Variants in XYLT1 observed in about 807,000 individuals in gnomAD.
XYLT1 encodes xylosyltransferase 1.
In XYLT1, 36 loss-of-function variants were observed where a neutral mutation model predicts 91.3. The observed-to-expected ratio is 0.39, with a 90% CI of 0.30 to 0.52. XYLT1 has a LOEUF of 0.52. Ranked by LOEUF, XYLT1 falls within the 20% of genes least tolerant of loss-of-function variation. The probability of loss-of-function intolerance (pLI) is 0.68; values close to 1 mark genes in which losing one functional copy is unlikely to be tolerated. For missense variants in XYLT1, 1,242 were observed against 1,284.5 expected (o/e 0.97, Z 0.51); for synonymous variants, 588 against 532.0 (o/e 1.11, Z -1.45).
chr16:17,321,641 A>G (rs1324354386), intron 2 of XYLT1, among the ~76,000 whole-genome samples: 1 of 152,002 alleles, frequency 6.6e-6, no homozygotes, highest in Non-Finnish European at 1.5e-5. Context: ...TACAGGCATG[A>G]GCCACCACAC....
rs1020907662 is a variant in XYLT1, at chr16:17,177,394, C to T, written c.1290-18485G>A. 4.6e-5 allele frequency among the ~76,000 whole-genome samples: 7 copies of T among 152,166 alleles called. No individual in the cohort carries two copies. In the South Asian group the frequency reaches 1.4e-3, roughly 32 times the overall value. On this transcript the variant is annotated intron_variant, in intron 5 of 11. Transcript: ENST00000261381. ...GAAGGGGTGATATGCATGTCTGTTT[C>T]CTGCATTATATGCATGCAAATTTCT...
At chr16:17,181,834 C>T (rs1340036278) in intron 5 of XYLT1, among the ~76,000 whole-genome samples, 11 of 152,100 alleles carry the variant, frequency 7.2e-5, no homozygotes, top group Non-Finnish European at 1.0e-4. Context: ...TTACCCCAAC[C>T]GCTTGATGCA....
chr16:17,467,226 T>C (rs2036910402), intron 1 of XYLT1, among the ~76,000 whole-genome samples: 1 of 152,176 alleles, frequency 6.6e-6, no homozygotes, highest in African/African-American at 2.4e-5. Context: ...GAGTAACAGT[T>C]TATCTAAGAA....
chr16:17,195,312 C>T (rs1335081803), intron 5 of XYLT1, among the ~76,000 whole-genome samples: 1 of 152,118 alleles, frequency 6.6e-6, no homozygotes, highest in Non-Finnish European at 1.5e-5. Context: ...TTCTTATTTC[C>T]CTCCCAATGG....
chr16:17,142,642 C>T (rs191411236), intron 6 of XYLT1, among the ~76,000 whole-genome samples: 98 of 150,670 alleles, frequency 6.5e-4, no homozygotes, highest in African/African-American at 2.3e-3. Context: ...GGGGTTTCAC[C>T]ATGTTGGCCA....
At chr16:17,413,762 G>C (rs543259336) in intron 1 of XYLT1, among the ~76,000 whole-genome samples, 1 of 152,164 alleles carries the variant, frequency 6.6e-6, no homozygotes, top group African/African-American at 2.4e-5. Flanking sequence ...TTATAGACCT[G>C]GGTAAAGACA....
In XYLT1 at chr16:17,108,370, A is replaced by G. The variant is rs1443643328; in HGVS notation, c.*325T>C. On this transcript the variant is annotated 3_prime_UTR_variant, in exon 12 of 12. Transcript: ENST00000261381. ...TAAACGAAGTTCTGCTGCTCGAAAGAAAAGTCTGAAAATCACACGTCTGGG... is the reference window on the plus strand; with the variant it reads ...TAAACGAAGTTCTGCTGCTCGAAAGGAAAGTCTGAAAATCACACGTCTGGG... 1.4e-5 allele frequency: 4 copies of G among 279,120 alleles called. No homozygotes were observed. Among genetic ancestry groups the G allele is most frequent in the Non-Finnish European group, 2.0e-5 (3 of 149,746 alleles). 17.3% of individuals were successfully genotyped at this position (279,120 alleles called of 1,614,324 possible).
intron 1 of XYLT1, among the ~76,000 whole-genome samples, chr16:17,419,222 G>A (rs2036219370): frequency 6.6e-6 from 1 of 151,798 alleles, no homozygotes; most frequent in Non-Finnish European, 1.5e-5. Flanking sequence ...AATGCCTGTA[G>A]TCCCAGCTAG....
chr16:17,278,090 C>T (rs984443675), intron 2 of XYLT1, among the ~76,000 whole-genome samples: 8 of 152,286 alleles, frequency 5.3e-5, no homozygotes, highest in East Asian at 3.9e-4. Context: ...TTCGGGTAGA[C>T]AGTTTGCTAC....
chr16:17,166,879 C>A (rs140327043), intron 5 of XYLT1, among the ~76,000 whole-genome samples: 1 of 152,060 alleles, frequency 6.6e-6, no homozygotes, highest in African/African-American at 2.4e-5. Context: ...CTCCTCCCTA[C>A]GTCTTTGCCC....
At chr16:17,134,244 T>G (rs563956273) in intron 9 of XYLT1, among the ~76,000 whole-genome samples, 1 of 152,184 alleles carries the variant, frequency 6.6e-6, no homozygotes, top group East Asian at 1.9e-4. Context: ...AGTAAAATCA[T>G]TGGGTACATA....
chr16:17,249,051 T>G (rs2033492675), intron 3 of XYLT1, among the ~76,000 whole-genome samples: 1 of 152,096 alleles, frequency 6.6e-6, no homozygotes, highest in Non-Finnish European at 1.5e-5. Flanking sequence ...CGTTTACCCC[T>G]GTGTTTCCCT....
chr16:17,115,312 TAAAA>T (rs869095502), intron 11 of XYLT1, among the ~76,000 whole-genome samples: 2,488 of 48,828 alleles, frequency 0.051, 146 homozygotes, highest in African/African-American at 0.16. Flanking sequence ...CAAAAATAGT[TAAAA>T]AAAAAAAAAA....
At chr16:17,116,982 T>C (rs1313666389) in intron 11 of XYLT1, among the ~76,000 whole-genome samples, 1 of 151,998 alleles carries the variant, frequency 6.6e-6, no homozygotes, top group African/African-American at 2.4e-5. Context: ...TTGGTGGTCT[T>C]TTTTTTTGTA....
rs1019908506 is a variant in XYLT1, at chr16:17,393,193, T to C, written c.364-35143A>G. Among the ~76,000 whole-genome samples, 44 of 152,232 alleles carry C rather than the reference T, an allele frequency of 2.9e-4. 1 individual carries two copies. Among genetic ancestry groups the C allele is most frequent in the Admixed American group, 7.2e-4 (11 of 15,286 alleles). On this transcript the variant is annotated intron_variant, in intron 1 of 11. Transcript: ENST00000261381. ...AAACCTCTAAACTGATTGAGGCCTGTGGCAGACACTTTGGTTTGCAGAAGA... is the reference window on the plus strand; with the variant it reads ...AAACCTCTAAACTGATTGAGGCCTGCGGCAGACACTTTGGTTTGCAGAAGA...
intron 10 of XYLT1, among the ~76,000 whole-genome samples, chr16:17,120,169 G>T (rs1243267036): frequency 6.6e-6 from 1 of 152,154 alleles, no homozygotes; most frequent in African/African-American, 2.4e-5. Flanking sequence ...AACACAGTAG[G>T]AATTAAAAGG....
chr16:17,345,504 A>G (rs941070415), intron 2 of XYLT1, among the ~76,000 whole-genome samples: 4 of 152,220 alleles, frequency 2.6e-5, no homozygotes, highest in African/African-American at 9.6e-5. Context: ...TACTTCCACA[A>G]GAGAGAAAAG....
chr16:17,140,877 A>G (rs957477386), intron 7 of XYLT1, among the ~76,000 whole-genome samples: 3 of 152,188 alleles, frequency 2.0e-5, no homozygotes, highest in Middle Eastern at 3.2e-3. Context: ...TTTATGACCA[A>G]TGAAAGCCAA....
At chr16:17,203,724 C>T (rs2032585934) in intron 3 of XYLT1, among the ~76,000 whole-genome samples, 1 of 152,184 alleles carries the variant, frequency 6.6e-6, no homozygotes, top group Admixed American at 6.5e-5. Context: ...GTCCACTCAT[C>T]CATATCTAAC....
Sources: gnomAD v4.1 joint callset for allele counts (sites outside exome capture counted in the v4.1 genomes callset) on GRCh38, gnomAD v4.1.1 for gene constraint, MANE v1.5 for transcripts, NCBI Gene and HGNC (gene_info 2026-07-23, HGNC 2026-07-21) for gene names.